FRMD4A: variants seen among roughly 807,000 people sequenced by gnomAD.
The protein encoded by FRMD4A is FERM domain-containing protein 4A.
Under a neutral mutation model 129.1 loss-of-function variants are expected in FRMD4A, and 29 were observed. The ratio of observed to expected loss-of-function variants is 0.22; its 90% CI spans 0.17 to 0.31. FRMD4A has a LOEUF of 0.31. Ranked by LOEUF, FRMD4A falls within the 10% of genes least tolerant of loss-of-function variation. FRMD4A has a pLI of 1.00. For synonymous variants in FRMD4A, 634 were observed against 571.6 expected, an observed-to-expected ratio of 1.11 and a Z score of -1.56; for missense variants, 1,272 against 1,375.8, an observed-to-expected ratio of 0.92 and a Z score of 1.19.
intron 2 of FRMD4A, among the ~76,000 whole-genome samples, chr10:14,132,395 T>C (rs1335509029): frequency 6.6e-6 from 1 of 152,272 alleles, no homozygotes; most frequent in Middle Eastern, 3.4e-3. Context: ...ATGAGAAGTA[T>C]TGAGGGAAAA....
chr10:14,129,389 TATATATATATATATATATAAAA>T (rs1839112181), intron 2 of FRMD4A, among the ~76,000 whole-genome samples: 1 of 131,302 alleles, frequency 7.6e-6, no homozygotes, highest in Non-Finnish European at 1.6e-5. Flanking sequence ...TATATATATA[TATATATATATATATATATAAAA>T]AATATGAGCT....
intron 2 of FRMD4A, among the ~76,000 whole-genome samples, chr10:14,111,109 CA>C (rs1837878002): frequency 6.6e-6 from 1 of 152,150 alleles, no homozygotes; most frequent in African/African-American, 2.4e-5. Context: ...TCTTGCAAAA[CA>C]GAAATTTTGT....
At chr10:13,884,512 AT>A (rs2094595904) in intron 2 of FRMD4A, among the ~76,000 whole-genome samples, 1 of 152,110 alleles carries the variant, frequency 6.6e-6, no homozygotes, top group Non-Finnish European at 1.5e-5. Context: ...GCTTTTTCTG[AT>A]CTTTTTTGAA....
chr10:13,884,845 G>A (rs1386305915), intron 2 of FRMD4A, among the ~76,000 whole-genome samples: 1 of 152,226 alleles, frequency 6.6e-6, no homozygotes, highest in Non-Finnish European at 1.5e-5. Flanking sequence ...AAGGCTAGGT[G>A]ACACTTGTGA....
At chr10:13,648,133 A>G (rs1383297527) in intron 24 of FRMD4A, 1 of 152,238 alleles carries the variant, frequency 6.6e-6, no homozygotes, top group Non-Finnish European at 1.5e-5. Flanking sequence ...AAAATCCATG[A>G]AAGCTGGAAA....
intron 2 of FRMD4A, among the ~76,000 whole-genome samples, chr10:13,897,018 A>G (rs181263032): frequency 6.6e-6 from 1 of 152,356 alleles, no homozygotes; most frequent in Admixed American, 6.5e-5. Flanking sequence ...AAGAGATAAA[A>G]TTTTTATTAT....
At chr10:14,163,805 T>C (rs576635546) in intron 2 of FRMD4A, among the ~76,000 whole-genome samples, 1 of 152,214 alleles carries the variant, frequency 6.6e-6, no homozygotes, top group East Asian at 1.9e-4. Context: ...TCCCCAGAAA[T>C]CTTCATCTCA....
At chr10:13,690,474 T>A (rs918170393) in intron 15 of FRMD4A, among the ~76,000 whole-genome samples, 2 of 152,214 alleles carry the variant, frequency 1.3e-5, no homozygotes, top group African/African-American at 4.8e-5. Context: ...CCTGATGGAA[T>A]GTTTCCTGTT....
chr10:13,719,523 A>C (rs2089210235), intron 12 of FRMD4A, among the ~76,000 whole-genome samples: 1 of 152,178 alleles, frequency 6.6e-6, no homozygotes, highest in African/African-American at 2.4e-5. Context: ...TTCACAGCCC[A>C]AGGCGGGCAG....
chr10:13,662,679 A>G (rs193122361), intron 19 of FRMD4A, among the ~76,000 whole-genome samples: 42 of 152,324 alleles, frequency 2.8e-4, no homozygotes, highest in African/African-American at 8.7e-4. Flanking sequence ...GTGGGAAATA[A>G]TAAGACAGTT....
intron 22 of FRMD4A, 125 bp from the exon 23 acceptor site, chr10:13,654,637 A>G: frequency 3.1e-6 from 2 of 647,382 alleles, no homozygotes; most frequent in Admixed American, 2.7e-5. Context: ...GGATGCTGGG[A>G]AGGACCCCAG....
chr10:13,670,151 G>A (rs2083397809), intron 17 of FRMD4A, among the ~76,000 whole-genome samples: 3 of 152,148 alleles, frequency 2.0e-5, no homozygotes, highest in Non-Finnish European at 1.5e-5. Context: ...CAAGCTCAAC[G>A]TGGCTGCTTG....
chr10:13,774,926 A>G (rs1292888203), intron 6 of FRMD4A, among the ~76,000 whole-genome samples: 3 of 149,750 alleles, frequency 2.0e-5, no homozygotes, highest in African/African-American at 7.3e-5. Context: ...ATCAGATAAT[A>G]TAAAGAAACT....
At chr10:14,226,517 T>G (rs892315602) in intron 2 of FRMD4A, among the ~76,000 whole-genome samples, 3 of 152,130 alleles carry the variant, frequency 2.0e-5, no homozygotes, top group African/African-American at 7.2e-5. Flanking sequence ...TTTGGTAGGG[T>G]TGGTTCCTTC....
chr10:13,730,689 G>A (rs1276441079), intron 12 of FRMD4A, among the ~76,000 whole-genome samples: 2 of 151,846 alleles, frequency 1.3e-5, no homozygotes, highest in African/African-American at 4.8e-5. Context: ...GTGGTAACTA[G>A]CATAAAATAG....
chr10:14,289,357 T>C (rs1301751810), intron 2 of FRMD4A, among the ~76,000 whole-genome samples: 1 of 152,182 alleles, frequency 6.6e-6, no homozygotes, highest in Non-Finnish European at 1.5e-5. Flanking sequence ...TTGTTTCATA[T>C]GCATTTTCCT....
intron 2 of FRMD4A, among the ~76,000 whole-genome samples, chr10:13,962,647 T>C (rs971608249): frequency 6.6e-6 from 1 of 152,226 alleles, no homozygotes; most frequent in Non-Finnish European, 1.5e-5. Flanking sequence ...GCTGTTCTCC[T>C]TCCAGTGGGA....
chr10:14,110,858 G>A (rs981139794), intron 2 of FRMD4A, among the ~76,000 whole-genome samples: 3 of 151,928 alleles, frequency 2.0e-5, no homozygotes, highest in Non-Finnish European at 1.5e-5. Flanking sequence ...TAGAGATAGC[G>A]TCTCCTTCTG....
At chr10:14,290,917 T>C (rs1845832031) in intron 2 of FRMD4A, among the ~76,000 whole-genome samples, 1 of 152,106 alleles carries the variant, frequency 6.6e-6, no homozygotes, top group Non-Finnish European at 1.5e-5. Flanking sequence ...ATAAAAGGTG[T>C]CTATTATTAC....
Sources: gnomAD v4.1 joint callset for allele counts (sites outside exome capture counted in the v4.1 genomes callset) on GRCh38, gnomAD v4.1.1 for gene constraint, MANE v1.5 for transcripts, NCBI Gene and HGNC (gene_info 2026-07-23, HGNC 2026-07-21) for gene names.